Variants in NVL observed in about 807,000 individuals in gnomAD.
The protein encoded by NVL is nuclear valosin-containing protein-like.
NVL carries 84 observed loss-of-function variants against 110.2 expected under a neutral mutation model. That is an observed-to-expected ratio of 0.76 (90% CI 0.64 to 0.91). The LOEUF is 0.91. NVL is among the 40% of genes least tolerant of loss of function. NVL has a pLI of 0.00. For missense variants in NVL, 882 were observed against 1,035.9 expected, an observed-to-expected ratio of 0.85 and a Z score of 2.04; for synonymous variants, 354 against 361.1, an observed-to-expected ratio of 0.98 and a Z score of 0.22.
chr1:224,252,250 C>T (rs550903296), intron 18 of NVL, among the ~76,000 whole-genome samples: 16 of 152,192 alleles, frequency 1.1e-4, no homozygotes, highest in African/African-American at 3.6e-4. Flanking sequence ...TGAGTCCCCC[C>T]AGATAAACTC....
At chr1:224,229,537 C>T (rs1349721710) in intron 22 of NVL, among the ~76,000 whole-genome samples, 1 of 151,934 alleles carries the variant, frequency 6.6e-6, no homozygotes, top group African/African-American at 2.4e-5. Flanking sequence ...CAGGTTCAAG[C>T]GATTCTTCTG....
chr1:224,287,674 C>T, intron 14 of NVL, 101 bp downstream of exon 14: 1 of 871,288 alleles, frequency 1.1e-6, no homozygotes, highest in Non-Finnish European at 1.8e-6. Flanking sequence ...TGATTATAGT[C>T]AAGTCAGTTT....
In NVL at chr1:224,305,421, C is replaced by T. The variant is rs917082495; in HGVS notation, c.616-255G>A. 12 of 336,008 alleles carry T rather than the reference C, an allele frequency of 3.6e-5. 1 individual carries two copies. Among genetic ancestry groups the T allele is most frequent in the Non-Finnish European group, 5.3e-5 (10 of 187,124 alleles). The allele number at this position is 336,008 out of a possible 1,614,324, so 20.8% of individuals were successfully genotyped here. On this transcript the variant is annotated intron_variant, in intron 6 of 22. Transcript: ENST00000281701. ...CACATATACTAAAATTGGAATGATA[C>T]AAAGATTAGCATGGCCCCTGTGCAA... is the stretch of plus-strand genomic sequence containing the variant.
intron 16 of NVL, among the ~76,000 whole-genome samples, chr1:224,275,930 C>T (rs1665714868): frequency 6.6e-6 from 1 of 152,144 alleles, no homozygotes; most frequent in Non-Finnish European, 1.5e-5. Flanking sequence ...TGTCATACAG[C>T]ATCAGAGGAG....
At chr1:224,252,306 A>G (rs2102764365) in intron 18 of NVL, among the ~76,000 whole-genome samples, 1 of 152,268 alleles carries the variant, frequency 6.6e-6, no homozygotes, top group East Asian at 1.9e-4. Flanking sequence ...TCAGGAGCAC[A>G]GAGCAAGCCC....
chr1:224,254,454 G>A (rs1262095713), intron 18 of NVL, among the ~76,000 whole-genome samples: 10 of 137,402 alleles, frequency 7.3e-5, no homozygotes, highest in Admixed American at 3.9e-4. Flanking sequence ...GTGCAATGGC[G>A]CAATCTCAGC....
At chr1:224,276,959 CATAAA>C in intron 16 of NVL, among the ~76,000 whole-genome samples, 1 of 105,642 alleles carries the variant, frequency 9.5e-6, no homozygotes, top group Admixed American at 1.1e-4. Flanking sequence ...TTTTATGACA[CATAAA>C]ACTAGTTTTA....
At chr1:224,233,033 T>C (rs1660068266) in intron 21 of NVL, 168 bp downstream of exon 21, 2 of 531,198 alleles carry the variant, frequency 3.8e-6, no homozygotes, top group Non-Finnish European at 3.3e-6. Context: ...ATTATAATTG[T>C]CAGCAACAGA....
intron 20 of NVL, among the ~76,000 whole-genome samples, chr1:224,235,994 A>G (rs972457186): frequency 1.3e-5 from 2 of 152,106 alleles, no homozygotes; most frequent in Non-Finnish European, 2.9e-5. Flanking sequence ...TCTGTTAGTT[A>G]AACTTGAGTT....
Position 224,289,589 on chromosome 1 carries a change from T to C in NVL, c.1470A>G (p.Leu490=). ...EAAMCAVNRV[L]MKLQEQQKKN... ...TCTTCTGCTGTTCCTGTAGCTTCATTAAGACTCTATTGACTGCACACATTG... is the reference window on the plus strand; with the variant it reads ...TCTTCTGCTGTTCCTGTAGCTTCATCAAGACTCTATTGACTGCACACATTG... The change falls in exon 13 of 23, where the codon TTA becomes TTG. Residue 490 remains leucine (L), a synonymous_variant. Transcript: ENST00000281701. The C allele has an allele frequency of 6.2e-7, 1 of 1,614,254 alleles. No individual in the cohort carries two copies. The highest frequency in any genetic ancestry group is 1.1e-5 in the South Asian group (1 of 91,090).
intron 19 of NVL, among the ~76,000 whole-genome samples, chr1:224,244,559 C>T (rs1328763782): frequency 6.6e-6 from 1 of 151,476 alleles, no homozygotes; most frequent in Non-Finnish European, 1.5e-5. Context: ...GCAACCTCCA[C>T]CTCTCTGCTT....
intron 19 of NVL, among the ~76,000 whole-genome samples, chr1:224,245,909 G>A (rs1004601772): frequency 6.6e-6 from 1 of 151,882 alleles, no homozygotes; most frequent in African/African-American, 2.4e-5. Flanking sequence ...GAGCCACCAT[G>A]CCCGGCCAAA....
At chr1:224,269,084 C>CT (rs34790130) in intron 17 of NVL, among the ~76,000 whole-genome samples, 13 of 97,870 alleles carry the variant, frequency 1.3e-4, no homozygotes, top group African/African-American at 2.6e-4. Flanking sequence ...GTGAGACTAA[C>CT]TTTTTTTTTT....
At chr1:224,232,906 A>G in intron 21 of NVL, 1 of 253,130 alleles carries the variant, frequency 4.0e-6, no homozygotes, top group Non-Finnish European at 7.4e-6. Flanking sequence ...TTAGCAAAAG[A>G]ATACGTTTTT....
Position 224,305,042 on chromosome 1 carries a change from T to G in NVL, c.740A>C (p.Gln247Pro), listed in dbSNP as rs116571578. ...CAAGACTCACACCTTACCTTTCTTTTGCAGGACAGCTTCAATTTCTCCATC... is the reference window on the plus strand; with the variant it reads ...CAAGACTCACACCTTACCTTTCTTTGGCAGGACAGCTTCAATTTCTCCATC... The part of the protein sequence containing the change: ...EVDGEIEAVL[Q>P]KKAKARGLEF... Residue 247 changes from glutamine to proline, a missense_variant, in exon 7 of 23, where the codon CAA becomes CCA. Physicochemically the swap from Gln to Pro is moderately conservative, Grantham distance 76. Transcript: ENST00000281701. 6.2e-7 allele frequency: 1 copy of G among 1,613,248 alleles called. No homozygotes were observed.
At chr1:224,243,107 T>A (rs1011924401) in intron 19 of NVL, among the ~76,000 whole-genome samples, 1 of 151,988 alleles carries the variant, frequency 6.6e-6, no homozygotes, top group Non-Finnish European at 1.5e-5. Context: ...TTATTTATTT[T>A]TTATTTTAAA....
chr1:224,278,744 T>A (rs1666026914), intron 16 of NVL, among the ~76,000 whole-genome samples: 1 of 152,126 alleles, frequency 6.6e-6, no homozygotes, highest in Admixed American at 6.6e-5. Flanking sequence ...TCCAATTTTT[T>A]TTTTTTGAGA....
chr1:224,285,092 C>T (rs1305471930), intron 15 of NVL, among the ~76,000 whole-genome samples: 1 of 151,984 alleles, frequency 6.6e-6, no homozygotes, highest in Non-Finnish European at 1.5e-5. Context: ...TATATACTGA[C>T]GTGAAGATGT....
intron 2 of NVL, among the ~76,000 whole-genome samples, chr1:224,322,727 G>A (rs1670777489): frequency 2.0e-5 from 3 of 152,176 alleles, no homozygotes; most frequent in African/African-American, 7.2e-5. Context: ...AATGAGGCGG[G>A]CAGATTGCCT....
Sources: allele counts gnomAD v4.1 joint callset (sites outside exome capture counted in the v4.1 genomes callset), GRCh38; gene constraint gnomAD v4.1.1; transcripts MANE v1.5; gene names NCBI Gene and HGNC (gene_info 2026-07-23, HGNC 2026-07-21).